The following CCND2 variants were observed in gnomAD, a reference collection of about 807,000 sequenced individuals.
The protein encoded by CCND2 is cyclin D2.
CCND2 carries 6 observed loss-of-function variants against 30.2 expected under a neutral mutation model. The ratio of observed to expected loss-of-function variants is 0.20; its 90% CI spans 0.11 to 0.39. CCND2 has a LOEUF of 0.39. CCND2 is among the 10% of genes least tolerant of loss of function. The probability of loss-of-function intolerance (pLI) is 1.00; values close to 1 mark genes in which losing one functional copy is unlikely to be tolerated. For synonymous variants in CCND2, 150 were observed against 153.1 expected (o/e 0.98, Z 0.15); for missense variants, 235 against 373.4 (o/e 0.63, Z 3.06).
At chr12:4,279,910 G>A (rs548110911) in intron 3 of CCND2, among the ~76,000 whole-genome samples, 21 of 151,494 alleles carry the variant, frequency 1.4e-4, no homozygotes, top group Non-Finnish European at 2.7e-4. Flanking sequence ...GTGGACTCAC[G>A]TGGTAACTTT....
At position 4,285,887 on chromosome 12, in the gene CCND2, G is replaced by A. The variant is rs963179474; in HGVS notation, c.572-2955G>A. Among the ~76,000 whole-genome samples the A allele has an allele frequency of 8.5e-5, 13 of 152,170 alleles. No individual in the cohort carries two copies. Among genetic ancestry groups the A allele is most frequent in the Admixed American group, 3.3e-4 (5 of 15,280 alleles). The stretch of plus-strand genomic sequence containing the variant: ...AGCCCTGGTGCCACGGGGAAGTAGC[G>A]CCGCTCTGTGGAGAGGGCTGCTTTG... On this transcript the variant is annotated intron_variant, in intron 3 of 4. Coordinates refer to ENST00000261254, the MANE Select transcript of CCND2 (RefSeq NM_001759.4). The surrounding 1 kb of genome is among the most constrained non-coding windows in gnomAD (Gnocchi z 4.1).
In CCND2 at chr12:4,301,687, T is replaced by G. The variant is rs1201585684; in HGVS notation, c.*1678T>G. On this transcript the variant is annotated 3_prime_UTR_variant, in exon 5 of 5. Transcript: ENST00000261254. ...TAATTTTGTTTTGTTCAGTTTGGTT[T>G]TTTTTTTTTTTTGCGCTGCTAAGAA... The G allele has an allele frequency of 2.3e-5, 5 of 213,466 alleles. No homozygotes were observed. The highest frequency in any genetic ancestry group is 4.7e-5 in the Non-Finnish European group (5 of 106,698). The allele number at this position is 213,466 out of a possible 1,614,324, so 13.2% of individuals were successfully genotyped here. A position where few individuals can be genotyped will look rare whatever the true frequency, so the allele number is the denominator to read the frequency against.
At position 4,274,047 on chromosome 12, in the gene CCND2, C is replaced by T. The variant is rs904703881; in HGVS notation, c.7C>T (p.Leu3=). 1.9e-6 allele frequency: 3 copies of T among 1,611,210 alleles called. No individual in the cohort carries two copies. The African/African-American group carries it at 4.0e-5, about 22-fold the overall frequency. The change falls in exon 1 of 5, where the codon CTG becomes TTG. Residue 3 remains leucine, a synonymous_variant. Transcript: ENST00000261254. The surrounding 1 kb of genome is among the most constrained non-coding windows in gnomAD (Gnocchi z 7.7). ...AGGGGCCGCCGGGCTGGCCATGGAG[C>T]TGCTGTGCCACGAGGTGGACCCGGT... ME[L]LCHEVDPVRR... is the part of the protein sequence containing the mutation.
intron 1 of CCND2, 60 bp from the exon 2 acceptor site, chr12:4,275,945 C>T: frequency 7.9e-5 from 82 of 1,036,110 alleles, no homozygotes; most frequent in South Asian, 3.3e-4. Flanking sequence ...TTCTTTTTCT[C>T]TTTTGCTGAT....
rs3217851 is a variant in CCND2 at position 4,288,540 on chromosome 12, T to A, written c.572-302T>A. ...GTCAAGAATGTTAACTCAGACATGC[T>A]TAATATGACTGGGATCTGGGGATTG... is the stretch of plus-strand genomic sequence containing the variant. On this transcript the variant is annotated intron_variant, in intron 3 of 4. Coordinates refer to ENST00000261254, the MANE Select transcript of CCND2 (RefSeq NM_001759.4). Among the ~76,000 whole-genome samples the A allele has an allele frequency of 0.022, 3,351 of 152,252 alleles. 100 individuals carry two copies. Among genetic ancestry groups the A allele is most frequent in the African/African-American group, 0.076 (3,150 of 41,510 alleles).
At position 4,293,812 on chromosome 12, in the gene CCND2, A is replaced by G. The variant is rs1256751670; in HGVS notation, c.720+4822A>G. 6.6e-6 allele frequency among the ~76,000 whole-genome samples: 1 copy of G among 152,132 alleles called. No homozygotes were observed. The highest frequency in any genetic ancestry group is 1.5e-5 in the Non-Finnish European group (1 of 68,022). On this transcript the variant is annotated intron_variant, in intron 4 of 4. Transcript: ENST00000261254. This position sits in a 1 kb window ranked among gnomAD's most constrained non-coding sequence, Gnocchi z 4.9. ...GTCATTTTCAAGCCTCCACTGTTAC[A>G]GATTCTGTCTTCTGTGGACTCTTCA...
Position 4,273,783 on chromosome 12 carries a change from G to A in CCND2, c.-258G>A, listed in dbSNP as rs1028896937. 3 of 558,000 alleles carry A rather than the reference G, an allele frequency of 5.4e-6. No homozygotes were observed. In the South Asian group the frequency reaches 6.9e-5, roughly 13 times the overall value. 34.6% of individuals were successfully genotyped at this position (558,000 alleles called of 1,614,324 possible). Reference sequence around the variant, plus strand: ...CTTCAGAGCGGAGAAGAGCGAGCAGGGGAGAGCGAGACCAGTTTTAAGGGG... The same window carrying A: ...CTTCAGAGCGGAGAAGAGCGAGCAGAGGAGAGCGAGACCAGTTTTAAGGGG... On this transcript the variant is annotated 5_prime_UTR_variant, in exon 1 of 5. Transcript: ENST00000261254. The surrounding 1 kb of genome is among the most constrained non-coding windows in gnomAD (Gnocchi z 5.9).
chr12:4,291,325 A>T (rs1455259687), intron 4 of CCND2, among the ~76,000 whole-genome samples: 1 of 151,680 alleles, frequency 6.6e-6, no homozygotes, highest in Admixed American at 6.6e-5. Context: ...AAATAAAAGG[A>T]CTAGAATTTA....
Position 4,293,428 on chromosome 12 carries a change from A to C in CCND2, c.720+4438A>C, listed in dbSNP as rs1864125808. ...AACAAAAAGCAAAAAACAAAACTTT[A>C]GATTCAGGGGATCCATGTGCGGTTT... On this transcript the variant is annotated intron_variant, in intron 4 of 4. Coordinates refer to ENST00000261254, the MANE Select transcript of CCND2 (RefSeq NM_001759.4). This position sits in a 1 kb window ranked among gnomAD's most constrained non-coding sequence, Gnocchi z 4.9. Among the ~76,000 whole-genome samples, 1 of 152,230 alleles carries C rather than the reference A, an allele frequency of 6.6e-6. No homozygotes were observed. The highest frequency in any genetic ancestry group is 1.5e-5 in the Non-Finnish European group (1 of 68,050).
chr12:4,301,062 C>G lies in CCND2; in HGVS notation c.*1053C>G, dbSNP rs1212577706. 2 of 233,452 alleles carry G rather than the reference C, an allele frequency of 8.6e-6. No individual in the cohort carries two copies. The highest frequency in any genetic ancestry group is 4.4e-5 in the African/African-American group (2 of 45,254). 14.5% of individuals were successfully genotyped at this position (233,452 alleles called of 1,614,324 possible). A position where few individuals can be genotyped will look rare whatever the true frequency, so the allele number is the denominator to read the frequency against. ...ACTCCTCCCCTCTTCTCTTTTGCCC[C>G]CTCCCTTCCTGCCCCCAGTCTGGGT... On this transcript the variant is annotated 3_prime_UTR_variant, in exon 5 of 5. Coordinates refer to ENST00000261254, the MANE Select transcript of CCND2 (RefSeq NM_001759.4).
rs1864231616 is a variant in CCND2, at chr12:4,300,264, T to C, written c.*255T>C. 2 of 391,178 alleles carry C rather than the reference T, an allele frequency of 5.1e-6. No individual in the cohort carries two copies. Among genetic ancestry groups the C allele is most frequent in the Non-Finnish European group, 9.2e-6 (2 of 217,152 alleles). 24.2% of individuals were successfully genotyped at this position (391,178 alleles called of 1,614,324 possible). On this transcript the variant is annotated 3_prime_UTR_variant, in exon 5 of 5. Transcript: ENST00000261254. ...TATGCGAACAGTTATTGTTTGATTA[T>C]GTAAAAGTAATAGTAAAATGCTTAC...
chr12:4,298,856 A>C (rs566970799), intron 4 of CCND2, among the ~76,000 whole-genome samples: 155 of 152,340 alleles, frequency 1.0e-3, no homozygotes, highest in Non-Finnish European at 1.7e-3. Flanking sequence ...ATTGCATTGC[A>C]TGTCATCTGC....
rs1214961393 is a variant in CCND2, at chr12:4,276,889, G to T, written c.411+669G>T. ...CCTGATCTAACTCCTTTTCCCTGCA[G>T]CTTGACATATAAGACGACCATATTG... On this transcript the variant is annotated intron_variant, in intron 2 of 4. Coordinates refer to ENST00000261254, the MANE Select transcript of CCND2 (RefSeq NM_001759.4). This position sits in a 1 kb window ranked among gnomAD's most constrained non-coding sequence, Gnocchi z 4.8. Among the ~76,000 whole-genome samples, 1 of 152,212 alleles carries T rather than the reference G, an allele frequency of 6.6e-6. No homozygotes were observed. The highest frequency in any genetic ancestry group is 1.5e-5 in the Non-Finnish European group (1 of 68,046).
In CCND2 at chr12:4,301,828, G is replaced by A. The variant is rs1004866874; in HGVS notation, c.*1819G>A. The A allele has an allele frequency of 4.3e-6, 1 of 230,214 alleles. No homozygotes were observed. 14.3% of individuals were successfully genotyped at this position (230,214 alleles called of 1,614,324 possible). ...TATTATTTTACTGCTTAAATTCCAA[G>A]TCCTGAAGTAGATGGTTGAGATATG... On this transcript the variant is annotated 3_prime_UTR_variant, in exon 5 of 5. Coordinates refer to ENST00000261254, the MANE Select transcript of CCND2 (RefSeq NM_001759.4).
rs941830658 is a variant in CCND2 at position 4,304,482 on chromosome 12, G to A, written c.*4473G>A. On this transcript the variant is annotated 3_prime_UTR_variant, in exon 5 of 5. Coordinates refer to ENST00000261254, the MANE Select transcript of CCND2 (RefSeq NM_001759.4). The surrounding 1 kb of genome is among the most constrained non-coding windows in gnomAD (Gnocchi z 6.2). ...TGCAGCCATCCATTTGTGCAAAATA[G>A]GGTAAGAAGATTCAAGAGGATATTT... The A allele has an allele frequency of 8.6e-6, 2 of 233,540 alleles. No individual in the cohort carries two copies. Among genetic ancestry groups the A allele is most frequent in the Non-Finnish European group, 1.7e-5 (2 of 118,008 alleles). The allele number at this position is 233,540 out of a possible 1,614,324, so 14.5% of individuals were successfully genotyped here.
At position 4,282,860 on chromosome 12, in the gene CCND2, A is replaced by G. The variant is rs140405050; in HGVS notation, c.571+3941A>G. Among the ~76,000 whole-genome samples the G allele has an allele frequency of 2.6e-5, 4 of 152,352 alleles. No individual in the cohort carries two copies. The East Asian group carries it at 7.7e-4, about 29-fold the overall frequency. ...GGGGTGGCAGATGAGGTGCGTGCCC[A>G]GTGACGTCCCTGGCCTGTGAACACT... On this transcript the variant is annotated intron_variant, in intron 3 of 4. Transcript: ENST00000261254. This position sits in a 1 kb window ranked among gnomAD's most constrained non-coding sequence, Gnocchi z 4.3.
At position 4,304,978 on chromosome 12, in the gene CCND2, C is replaced by CT. The variant is rs67603280; in HGVS notation, c.*4979dup. 1.3e-3 allele frequency: 287 copies of CT among 217,416 alleles called. No homozygotes were observed. Among genetic ancestry groups the CT allele is most frequent in the Middle Eastern group, 4.3e-3 (3 of 694 alleles). The allele number at this position is 217,416 out of a possible 1,614,324, so 13.5% of individuals were successfully genotyped here. The stretch of plus-strand genomic sequence containing the variant: ...CAGTTATGTAGTTTCTTGTCTTGGA[C>CT]TTTTTTTTTTCTTTTCTTTTTCTTT... On this transcript the variant is annotated 3_prime_UTR_variant, in exon 5 of 5. Transcript: ENST00000261254. The surrounding 1 kb of genome is among the most constrained non-coding windows in gnomAD (Gnocchi z 6.2).
chr12:4,289,026 GTCTCT>G (rs1864060691), intron 4 of CCND2, 36 bp downstream of exon 4: 2 of 1,576,566 alleles, frequency 1.3e-6, no homozygotes, highest in Non-Finnish European at 1.7e-6. Flanking sequence ...AAGTCCAGAT[GTCTCT>G]TCTCAGCTCA....
chr12:4,276,197 T>C lies in CCND2; in HGVS notation c.388T>C (p.Ser130Pro). The change falls in exon 2 of 5, where the codon TCC (serine) becomes CCC (proline). Residue 130 changes from serine (S) to proline (P), a missense_variant. By Grantham distance (74) the Ser-to-Pro change is moderately conservative (BLOSUM62 -1). Coordinates refer to ENST00000261254, the MANE Select transcript of CCND2 (RefSeq NM_001759.4). The surrounding 1 kb of genome is among the most constrained non-coding windows in gnomAD (Gnocchi z 4.8). ...GAAGCTGTGCATTTACACCGACAACTCCATCAAGCCTCAGGAGCTGCTGGT... is the reference window on the plus strand; with the variant it reads ...GAAGCTGTGCATTTACACCGACAACCCCATCAAGCCTCAGGAGCTGCTGGT... The part of the protein sequence containing the change: ...AEKLCIYTDN[S>P]IKPQELLEWE... 6.2e-7 allele frequency: 1 copy of C among 1,614,052 alleles called. No individual in the cohort carries two copies. The highest frequency in any genetic ancestry group is 8.5e-7 in the Non-Finnish European group (1 of 1,179,978).
Sources: allele counts gnomAD v4.1 joint callset (sites outside exome capture counted in the v4.1 genomes callset), GRCh38; gene constraint gnomAD v4.1.1; non-coding constraint Gnocchi (gnomAD v3.1); transcripts MANE v1.5; gene names NCBI Gene and HGNC (gene_info 2026-07-23, HGNC 2026-07-21).